The following FYCO1 variants were observed in gnomAD, a reference collection of about 807,000 sequenced individuals.
FYCO1 encodes the protein FYVE and coiled-coil domain-containing protein 1.
Under a neutral mutation model 165.1 loss-of-function variants are expected in FYCO1, and 122 were observed. That is an observed-to-expected ratio of 0.74 (90% CI 0.64 to 0.86). FYCO1 has a LOEUF of 0.86. Among genes scored for constraint, FYCO1 ranks in the 40% least tolerant of loss-of-function variants. The probability of loss-of-function intolerance (pLI) is 0.00; values close to 1 mark genes in which losing one functional copy is unlikely to be tolerated. For synonymous variants in FYCO1, 648 were observed against 742.5 expected, an observed-to-expected ratio of 0.87 and a Z score of 2.07; for missense variants, 1,702 against 1,810.3, an observed-to-expected ratio of 0.94 and a Z score of 1.09.
intron 14 of FYCO1, among the ~76,000 whole-genome samples, chr3:45,950,870 G>A (rs554019025): frequency 1.3e-5 from 2 of 152,250 alleles, no homozygotes; most frequent in South Asian, 2.1e-4. Context: ...CAACCCACGC[G>A]CAAGGTGGCT....
chr3:45,935,713 T>C (rs1440250091), intron 15 of FYCO1, among the ~76,000 whole-genome samples: 2 of 152,266 alleles, frequency 1.3e-5, no homozygotes, highest in Non-Finnish European at 2.9e-5. Flanking sequence ...TATACAATAT[T>C]GACTTATTTA....
chr3:45,967,297 C>A lies in FYCO1; in HGVS notation c.2037G>T (p.Ala679=). 6.2e-7 allele frequency: 1 copy of A among 1,613,926 alleles called. No homozygotes were observed. Among genetic ancestry groups the A allele is most frequent in the Non-Finnish European group, 8.5e-7 (1 of 1,179,912 alleles). The part of the protein sequence containing the change: ...SIRHLGDQME[A]SLLAVRKAKE... ...TGGCCTTCCTTACAGCCAGCAAGCTCGCCTCCATCTGGTCACCCAAGTGCC... is the reference window on the plus strand; with the variant it reads ...TGGCCTTCCTTACAGCCAGCAAGCTAGCCTCCATCTGGTCACCCAAGTGCC... Residue 679 remains alanine (A), a synonymous_variant, in exon 8 of 18, where the codon GCG becomes GCT. Coordinates refer to ENST00000296137, the MANE Select transcript of FYCO1 (RefSeq NM_024513.4).
Position 45,966,901 on chromosome 3 carries a change from G to C in FYCO1, c.2433C>G (p.Ser811Arg), listed in dbSNP as rs367782717. The stretch of plus-strand genomic sequence containing the variant: ...GGACGGCCTCAGCCATGCTTAGCTG[G>C]CTCTGCACCTTGTCCTGGTCATCCA... ...AALDDQDKVQ[S>R]QLSMAEAVLR... The change falls in exon 8 of 18, where the codon AGC becomes AGG. Residue 811 changes from serine (S) to arginine (R), a missense_variant. Transcript: ENST00000296137. 2.4e-5 allele frequency: 39 copies of C among 1,613,652 alleles called. No homozygotes were observed. In the South Asian group the frequency reaches 4.2e-4, roughly 17 times the overall value.
chr3:45,930,994 GC>G, intron 16 of FYCO1, 76 bp downstream of exon 16: 1 of 1,356,668 alleles, frequency 7.4e-7, no homozygotes, highest in African/African-American at 1.4e-5. Flanking sequence ...GATGGCCACT[GC>G]CCTGCTTTGA....
In FYCO1 at chr3:45,993,420, C is replaced by T. The variant is rs149633551; in HGVS notation, c.-113+2302G>A. On this transcript the variant is annotated intron_variant, in intron 1 of 17. Coordinates refer to ENST00000296137, the MANE Select transcript of FYCO1 (RefSeq NM_024513.4). This position sits in a 1 kb window ranked among gnomAD's most constrained non-coding sequence, Gnocchi z 4.4. ...TTCAGCCATTTTTGTGATGTATCAA[C>T]GAACAGCAAGAAGGTAAACAGCATT... 3.5e-4 allele frequency among the ~76,000 whole-genome samples: 54 copies of T among 152,294 alleles called. No homozygotes were observed. The highest frequency in any genetic ancestry group is 6.9e-4 in the Non-Finnish European group (47 of 68,018).
intron 2 of FYCO1, among the ~76,000 whole-genome samples, chr3:45,983,873 AG>A (rs1197635696): frequency 1.3e-5 from 2 of 152,272 alleles, no homozygotes; most frequent in Non-Finnish European, 2.9e-5. Flanking sequence ...CAGAGGCCCA[AG>A]GCATGGTAGA....
chr3:45,975,300 A>C lies in FYCO1; in HGVS notation c.334T>G (p.Leu112Val). 3 of 1,614,188 alleles carry C rather than the reference A, an allele frequency of 1.9e-6. No homozygotes were observed. The highest frequency in any genetic ancestry group is 2.5e-6 in the Non-Finnish European group (3 of 1,180,008). ...GKGRAFIRYS[L>V]VHQRLADTLQ... ...GTGTCTGCCAACCTCTGGTGCACCA[A>C]GGAGTAGCGAATAAATGCTCTTCCT... is the stretch of plus-strand genomic sequence containing the variant. Residue 112 changes from leucine (L) to valine (V), a missense_variant, in exon 5 of 18, where the codon TTG (leucine) becomes GTG (valine). Physicochemically the swap from Leu to Val is conservative, Grantham distance 32. Transcript: ENST00000296137.
At position 45,936,537 on chromosome 3, in the gene FYCO1, A is replaced by G. The variant is rs769208216; in HGVS notation, c.3951T>C (p.Thr1317=). ...SLDPNAAEQD[T]TSTSLTPEDT... ...CCTCAGGCGTTAGCGAGGTTGATGTAGTATCCCTGAAATGTCACAAATGAG... is the reference window on the plus strand; with the variant it reads ...CCTCAGGCGTTAGCGAGGTTGATGTGGTATCCCTGAAATGTCACAAATGAG... Residue 1317 remains threonine (T), a synonymous_variant, in exon 15 of 18, where the codon ACT becomes ACC. Coordinates refer to ENST00000296137, the MANE Select transcript of FYCO1 (RefSeq NM_024513.4). The G allele has an allele frequency of 6.2e-7, 1 of 1,610,056 alleles. No homozygotes were observed. Among genetic ancestry groups the G allele is most frequent in the South Asian group, 1.1e-5 (1 of 91,008 alleles).
chr3:45,990,313 C>T (rs1707503723), intron 1 of FYCO1, among the ~76,000 whole-genome samples: 1 of 152,158 alleles, frequency 6.6e-6, no homozygotes, highest in South Asian at 2.1e-4. Context: ...TGAAAAGGGG[C>T]AGTGGGTGGA....
At position 45,967,447 on chromosome 3, in the gene FYCO1, G is replaced by A. The variant is rs140372149; in HGVS notation, c.1887C>T (p.Val629=). Residue 629 remains valine, a synonymous_variant, in exon 8 of 18, where the codon GTC becomes GTT. Transcript: ENST00000296137. The part of the protein sequence containing the change: ...RELEKELQNV[V]GRNQLLEGKL... ...TGCCCTCCAGGAGCTGGTTACGCCC[G>A]ACCACATTCTGTAGCTCCTTCTCCA... The A allele has an allele frequency of 3.4e-4, 550 of 1,613,524 alleles. No individual in the cohort carries two copies. Among genetic ancestry groups the A allele is most frequent in the African/African-American group, 1.1e-3 (86 of 75,032 alleles).
intron 11 of FYCO1, among the ~76,000 whole-genome samples, chr3:45,960,629 C>A (rs1225562412): frequency 6.6e-6 from 1 of 152,198 alleles, no homozygotes; most frequent in Non-Finnish European, 1.5e-5. Context: ...AGTTTTTAAA[C>A]TTTCAAATTG....
intron 16 of FYCO1, among the ~76,000 whole-genome samples, chr3:45,926,878 C>T (rs191883973): frequency 1.3e-5 from 2 of 151,844 alleles, no homozygotes; most frequent in African/African-American, 2.4e-5. Context: ...GCAGGAGAAT[C>T]GCTTGAACCT....
At chr3:45,987,273 G>A (rs1427195168) in intron 1 of FYCO1, among the ~76,000 whole-genome samples, 3 of 152,168 alleles carry the variant, frequency 2.0e-5, no homozygotes, top group Admixed American at 1.3e-4. Flanking sequence ...AATATGGGGG[G>A]CAATTCTGTT....
intron 11 of FYCO1, among the ~76,000 whole-genome samples, chr3:45,961,002 A>C (rs1390818683): frequency 6.6e-6 from 1 of 152,192 alleles, no homozygotes; most frequent in Non-Finnish European, 1.5e-5. Flanking sequence ...AATAGTTCTA[A>C]CTATGGACTC....
chr3:45,936,647 C>A, intron 14 of FYCO1, 104 bp from the exon 15 acceptor site: 1 of 804,354 alleles, frequency 1.2e-6, no homozygotes, highest in Non-Finnish European at 2.2e-6. Flanking sequence ...AATCCAGATG[C>A]ATGGGGGATC....
At chr3:45,944,679 T>C (rs1276011032) in intron 14 of FYCO1, among the ~76,000 whole-genome samples, 1 of 152,178 alleles carries the variant, frequency 6.6e-6, no homozygotes, top group African/African-American at 2.4e-5. Flanking sequence ...TTATTATACA[T>C]CAAAGTTTAC....
At chr3:45,931,854 A>C (rs776462513) in intron 15 of FYCO1, among the ~76,000 whole-genome samples, 2 of 152,198 alleles carry the variant, frequency 1.3e-5, no homozygotes, top group Non-Finnish European at 2.9e-5. Flanking sequence ...TACTCTTTAT[A>C]ATGCAAGGGT....
At chr3:45,965,238 A>C (rs1329218989) in intron 8 of FYCO1, 113 bp from the exon 9 acceptor site, 2 of 771,384 alleles carry the variant, frequency 2.6e-6, no homozygotes, top group African/African-American at 3.4e-5. Flanking sequence ...TTTTCCCTGC[A>C]AACTGGCTCC....
rs1266458748 is a variant in FYCO1, at chr3:45,964,083, G to A, written c.3269+253C>T. ...AGTTTTTCCAAAGCTTGCAGTTACT[G>A]AAGTATGATATGCACTGCCAGAGAG... On this transcript the variant is annotated intron_variant, in intron 10 of 17. Transcript: ENST00000296137. This position sits in a 1 kb window ranked among gnomAD's most constrained non-coding sequence, Gnocchi z 4.1. Among the ~76,000 whole-genome samples, 1 of 152,134 alleles carries A rather than the reference G, an allele frequency of 6.6e-6. No individual in the cohort carries two copies. Among genetic ancestry groups the A allele is most frequent in the African/African-American group, 2.4e-5 (1 of 41,402 alleles).
Sources: allele counts gnomAD v4.1 joint callset (sites outside exome capture counted in the v4.1 genomes callset), GRCh38; gene constraint gnomAD v4.1.1; non-coding constraint Gnocchi (gnomAD v3.1); transcripts MANE v1.5; gene names NCBI Gene and HGNC (gene_info 2026-07-23, HGNC 2026-07-21).